The following PTPRT variants were observed in gnomAD, a reference collection of about 807,000 sequenced individuals.
PTPRT encodes the protein receptor-type tyrosine-protein phosphatase T.
In PTPRT, 56 loss-of-function variants were observed where a neutral mutation model predicts 176.8. The ratio of observed to expected loss-of-function variants is 0.32; its 90% CI spans 0.26 to 0.40. The LOEUF is 0.40. Ranked by LOEUF, PTPRT falls within the 10% of genes least tolerant of loss-of-function variation. PTPRT has a pLI of 1.00. For synonymous variants in PTPRT, 783 were observed against 739.0 expected (o/e 1.06, Z -0.96); for missense variants, 1,540 against 1,908.2 (o/e 0.81, Z 3.60).
chr20:42,038,244 G>T, the PTPRT span, among the ~76,000 whole-genome samples: 1 of 152,116 alleles, frequency 6.6e-6, no homozygotes, highest in East Asian at 1.9e-4. Flanking sequence ...TAAGGAGATC[G>T]GCTCAGAGAG....
intron 16 of PTPRT, among the ~76,000 whole-genome samples, chr20:42,174,604 G>A (rs754284391): frequency 2.6e-5 from 4 of 152,154 alleles, no homozygotes; most frequent in Non-Finnish European, 4.4e-5. Context: ...CCAGCAACTC[G>A]GACAGTCTTC....
intron 23 of PTPRT, among the ~76,000 whole-genome samples, chr20:42,109,350 C>T (rs1203703186): frequency 6.6e-6 from 1 of 152,120 alleles, no homozygotes; most frequent in African/African-American, 2.4e-5. Context: ...TGCCAGCTGG[C>T]CAGCCTTCAG....
chr20:42,865,814 G>C (rs2078736781), intron 2 of PTPRT, among the ~76,000 whole-genome samples: 1 of 152,142 alleles, frequency 6.6e-6, no homozygotes, highest in Non-Finnish European at 1.5e-5. Flanking sequence ...GGAAGGAGCT[G>C]GGTGCTCCTG....
chr20:43,042,866 TC>T (rs1176649338), intron 1 of PTPRT, among the ~76,000 whole-genome samples: 1 of 152,096 alleles, frequency 6.6e-6, no homozygotes, highest in Non-Finnish European at 1.5e-5. Context: ...TCAGATCATC[TC>T]AACTGTGGTT....
intron 1 of PTPRT, among the ~76,000 whole-genome samples, chr20:42,909,871 G>A (rs942321329): frequency 6.6e-6 from 1 of 152,210 alleles, no homozygotes; most frequent in Non-Finnish European, 1.5e-5. Context: ...CACTGCTATT[G>A]TCGACAGCTC....
intron 9 of PTPRT, among the ~76,000 whole-genome samples, chr20:42,371,024 T>C (rs967029794): frequency 9.8e-5 from 15 of 152,354 alleles, no homozygotes; most frequent in African/African-American, 3.6e-4. Context: ...TGTTATTTAC[T>C]TGGGCAAACC....
the PTPRT span, among the ~76,000 whole-genome samples, chr20:42,057,974 C>T: frequency 3.3e-5 from 5 of 152,174 alleles, no homozygotes; most frequent in Non-Finnish European, 7.3e-5. Flanking sequence ...AGAAGAGATG[C>T]TAAGGATGAT....
intron 27 of PTPRT, among the ~76,000 whole-genome samples, chr20:42,089,791 G>A (rs79263123): frequency 2.9e-4 from 44 of 152,298 alleles, no homozygotes; most frequent in Admixed American, 1.8e-3. Context: ...CCGGGACACT[G>A]CATATATTCT....
At chr20:42,480,844 C>T (rs192346000) in intron 7 of PTPRT, among the ~76,000 whole-genome samples, 1 of 152,202 alleles carries the variant, frequency 6.6e-6, no homozygotes, top group African/African-American at 2.4e-5. Flanking sequence ...TAAAAGCAAG[C>T]CTTAGGCCAA....
intron 16 of PTPRT, among the ~76,000 whole-genome samples, chr20:42,195,612 C>G (rs1338561323): frequency 6.6e-6 from 1 of 152,092 alleles, no homozygotes; most frequent in African/African-American, 2.4e-5. Context: ...ATAGAGAGTC[C>G]TAACGTATTC....
intron 6 of PTPRT, among the ~76,000 whole-genome samples, chr20:42,679,593 T>G (rs887322276): frequency 6.6e-6 from 1 of 152,192 alleles, no homozygotes; most frequent in Non-Finnish European, 1.5e-5. Context: ...ACATCCAACA[T>G]AGCCATTTTT....
At chr20:42,774,711 C>T (rs887993663) in intron 4 of PTPRT, among the ~76,000 whole-genome samples, 20 of 152,188 alleles carry the variant, frequency 1.3e-4, no homozygotes, top group Admixed American at 1.2e-3. Flanking sequence ...ATGCGGTACG[C>T]GGTGGGCATC....
intron 21 of PTPRT, chr20:42,116,139 C>CA (rs1258141308): frequency 1.3e-5 from 9 of 707,482 alleles, no homozygotes; most frequent in East Asian, 2.7e-5. Flanking sequence ...AAAAAACAAA[C>CA]AAAAAAAGGT....
chr20:43,133,620 G>A (rs967391531), intron 1 of PTPRT, among the ~76,000 whole-genome samples: 2 of 151,874 alleles, frequency 1.3e-5, no homozygotes, highest in Admixed American at 6.6e-5. Context: ...GGTGGCAGGC[G>A]CCTTGTAGTC....
At chr20:42,942,322 C>T (rs550645213) in intron 1 of PTPRT, among the ~76,000 whole-genome samples, 20 of 152,170 alleles carry the variant, frequency 1.3e-4, no homozygotes, top group African/African-American at 3.6e-4. Context: ...CCAACCCATC[C>T]GCAGTTTCCA....
chr20:42,217,260 C>G (rs1420824278), intron 15 of PTPRT, among the ~76,000 whole-genome samples: 1 of 151,926 alleles, frequency 6.6e-6, no homozygotes, highest in African/African-American at 2.4e-5. Flanking sequence ...GAAGTCCCAG[C>G]TACTGGGGAG....
the PTPRT span, among the ~76,000 whole-genome samples, chr20:42,051,773 C>A: frequency 6.6e-6 from 1 of 152,224 alleles, no homozygotes; most frequent in Non-Finnish European, 1.5e-5. Context: ...CTTCATACAT[C>A]CGACTGAAGT....
At chr20:42,232,064 C>T (rs2056145103) in intron 15 of PTPRT, among the ~76,000 whole-genome samples, 1 of 152,188 alleles carries the variant, frequency 6.6e-6, no homozygotes, top group African/African-American at 2.4e-5. Context: ...TCTACCTCTT[C>T]TACTAAAAAA....
Position 42,248,731 on chromosome 20 carries a change from C to T in PTPRT, c.2268G>A (p.Met756Ile), listed in dbSNP as rs1390203053. 1.2e-6 allele frequency: 2 copies of T among 1,614,016 alleles called. No homozygotes were observed. The highest frequency in any genetic ancestry group is 1.7e-5 in the Admixed American group (1 of 60,008). ...TCACGCCCAGGAGAATGATGATGAACATGAGGAGGCCAGCGATCACGCCAG... is the reference window on the plus strand; with the variant it reads ...TCACGCCCAGGAGAATGATGATGAATATGAGGAGGCCAGCGATCACGCCAG... ...KMAGVIAGLL[M>I]FIIILLGVML... The change falls in exon 14 of 31, where the codon ATG becomes ATA. Residue 756 changes from methionine to isoleucine, a missense_variant. Met to Ile is a conservative substitution (Grantham distance 10). Coordinates refer to ENST00000373187, the MANE Select transcript of PTPRT (RefSeq NM_007050.6).
Sources: allele counts gnomAD v4.1 joint callset (sites outside exome capture counted in the v4.1 genomes callset), GRCh38; gene constraint gnomAD v4.1.1; transcripts MANE v1.5; gene names NCBI Gene and HGNC (gene_info 2026-07-23, HGNC 2026-07-21).